Variants in RIDA observed in about 807,000 individuals in gnomAD.
RIDA encodes the protein reactive intermediate imine deaminase A, also known as 2-iminobutanoate/2-iminopropanoate deaminase.
Under a neutral mutation model 17.8 loss-of-function variants are expected in RIDA, and 17 were observed. The observed-to-expected ratio is 0.96, with a 90% CI of 0.65 to 1.43. The LOEUF (loss-of-function observed/expected upper bound fraction) is 1.43. Ranked by LOEUF, RIDA falls within the 40% of genes most tolerant of loss-of-function variation. RIDA has a pLI of 0.00. For synonymous variants in RIDA, 48 were observed against 55.7 expected, an observed-to-expected ratio of 0.86 and a Z score of 0.62; for missense variants, 158 against 161.7, an observed-to-expected ratio of 0.98 and a Z score of 0.12.
intron 1 of RIDA, among the ~76,000 whole-genome samples, chr8:98,109,463 G>C (rs1489835359): frequency 6.6e-6 from 1 of 152,198 alleles, no homozygotes; most frequent in African/African-American, 2.4e-5. Context: ...AGACATCACT[G>C]ATAAAGTAAG....
At chr8:98,112,195 A>ACACACACACAC (rs144555285) in intron 1 of RIDA, among the ~76,000 whole-genome samples, 3 of 148,070 alleles carry the variant, frequency 2.0e-5, no homozygotes, top group Admixed American at 6.7e-5. Context: ...AACTATACTA[A>ACACACACACAC]ACACACACAC....
chr8:98,102,790 A>T lies in RIDA; in HGVS notation c.*52T>A. 1.7e-6 allele frequency: 2 copies of T among 1,202,388 alleles called. No individual in the cohort carries two copies. The highest frequency in any genetic ancestry group is 4.7e-5 in the East Asian group (2 of 42,258). 74.5% of individuals were successfully genotyped at this position (1,202,388 alleles called of 1,614,324 possible). A position where few individuals can be genotyped will look rare whatever the true frequency, so the allele number is the denominator to read the frequency against. On this transcript the variant is annotated 3_prime_UTR_variant, in exon 6 of 6. Coordinates refer to ENST00000254878, the MANE Select transcript of RIDA (RefSeq NM_005836.3). The stretch of plus-strand genomic sequence containing the variant: ...AAAGGTTAATTAAGATGTTACATCA[A>T]TTGTAAAAATTAAAATGTTAACAAT...
chr8:98,112,199 C>CACACACAT (rs1446245348), intron 1 of RIDA, among the ~76,000 whole-genome samples: 1 of 150,520 alleles, frequency 6.6e-6, no homozygotes, highest in Non-Finnish European at 1.5e-5. Context: ...ATACTAAACA[C>CACACACAT]ACACACACAC....
intron 1 of RIDA, among the ~76,000 whole-genome samples, chr8:98,111,605 C>CA (rs374861980): frequency 0.1 from 10,281 of 100,470 alleles, 448 homozygotes; most frequent in Middle Eastern, 0.32. Flanking sequence ...GACTCTGTGT[C>CA]AAAAAAAAAA....
At chr8:98,114,259 A>T (rs1230841826) in intron 1 of RIDA, among the ~76,000 whole-genome samples, 3 of 152,170 alleles carry the variant, frequency 2.0e-5, no homozygotes. Flanking sequence ...TCCTTATTAT[A>T]TACAAAATAA....
At position 98,110,512 on chromosome 8, in the gene RIDA, C is replaced by T. The variant is rs375000235; in HGVS notation, c.66-1761G>A. 1.1e-4 allele frequency among the ~76,000 whole-genome samples: 17 copies of T among 152,066 alleles called. No homozygotes were observed. The South Asian group carries it at 1.5e-3, about 13-fold the overall frequency. On this transcript the variant is annotated intron_variant, in intron 1 of 5. Coordinates refer to ENST00000254878, the MANE Select transcript of RIDA (RefSeq NM_005836.3). ...TGACCTCAGGTGATCCGCCTGCCTC[C>T]GCTTCCCAAAGTGCTGGGATTACAG...
intron 1 of RIDA, among the ~76,000 whole-genome samples, chr8:98,114,136 A>G (rs1815767153): frequency 6.6e-6 from 1 of 151,296 alleles, no homozygotes; most frequent in African/African-American, 2.4e-5. Flanking sequence ...TGAGGCGACA[A>G]TAAGCTGTGA....
At chr8:98,107,542 A>G (rs1815648552) in intron 2 of RIDA, among the ~76,000 whole-genome samples, 3 of 152,094 alleles carry the variant, frequency 2.0e-5, no homozygotes, top group Admixed American at 2.0e-4. Flanking sequence ...ACAAAACAAA[A>G]CAAACTTTCA....
In RIDA at chr8:98,102,429, A is replaced by G. The variant is rs1271941354; in HGVS notation, c.*413T>C. The G allele has an allele frequency of 6.5e-6, 1 of 153,584 alleles. No homozygotes were observed. The highest frequency in any genetic ancestry group is 1.4e-5 in the Non-Finnish European group (1 of 69,020). The allele number at this position is 153,584 out of a possible 1,614,324, so 9.5% of individuals were successfully genotyped here. ...TATCTTCTCCTTGATCTCAAATTTA[A>G]ACACTTTAATTTTACTCAAGTAAAA... On this transcript the variant is annotated 3_prime_UTR_variant, in exon 6 of 6. Transcript: ENST00000254878.
chr8:98,107,355 T>C (rs1815646477), intron 2 of RIDA, among the ~76,000 whole-genome samples: 1 of 152,088 alleles, frequency 6.6e-6, no homozygotes. Flanking sequence ...AAACCCCGTC[T>C]CTACTAAAAA....
intron 1 of RIDA, among the ~76,000 whole-genome samples, chr8:98,115,643 G>A (rs897511950): frequency 2.6e-5 from 4 of 151,142 alleles, no homozygotes; most frequent in Admixed American, 6.6e-5. Flanking sequence ...CTCTTACCTC[G>A]GCCTCCCACA....
chr8:98,117,077 C>T lies in RIDA; in HGVS notation c.20G>A (p.Arg7Lys). 6.2e-7 allele frequency: 1 copy of T among 1,614,190 alleles called. No homozygotes were observed. The highest frequency in any genetic ancestry group is 8.5e-7 in the Non-Finnish European group (1 of 1,180,002). ...TGGGGCTTTCGCGGTGCTGATCACC[C>T]TTCTGATCAAGGACGACATGGCTAA... Reference protein sequence around the residue: MSSLIRRVISTAKAPGA... With the variant: MSSLIRKVISTAKAPGA... Residue 7 changes from arginine to lysine, a missense_variant, in exon 1 of 6, where the codon AGG becomes AAG. Transcript: ENST00000254878.
intron 1 of RIDA, among the ~76,000 whole-genome samples, chr8:98,109,858 C>A (rs755353545): frequency 5.9e-5 from 9 of 152,176 alleles, no homozygotes; most frequent in Non-Finnish European, 1.2e-4. Context: ...CTCAAGTGAT[C>A]CTCCTGCCTT....
In RIDA at chr8:98,102,716, G is replaced by C. The variant is rs1446910248; in HGVS notation, c.*126C>G. 1.5e-6 allele frequency: 1 copy of C among 645,868 alleles called. No homozygotes were observed. The highest frequency in any genetic ancestry group is 1.8e-5 in the African/African-American group (1 of 55,462). The allele number at this position is 645,868 out of a possible 1,614,324, so 40.0% of individuals were successfully genotyped here. A position where few individuals can be genotyped will look rare whatever the true frequency, so the allele number is the denominator to read the frequency against. On this transcript the variant is annotated 3_prime_UTR_variant, in exon 6 of 6. Transcript: ENST00000254878. ...CCTATTACATGGTATTTCCATAATA[G>C]CTTCAGATATTTTCATCAAACTCAC...
At chr8:98,108,868 A>C in intron 1 of RIDA, 117 bp from the exon 2 acceptor site, 1 of 613,198 alleles carries the variant, frequency 1.6e-6, no homozygotes, top group Non-Finnish European at 2.9e-6. Context: ...AAACAGATAC[A>C]TTGGACTTCA....
intron 1 of RIDA, among the ~76,000 whole-genome samples, chr8:98,112,317 T>C (rs879258027): frequency 5.9e-5 from 9 of 152,162 alleles, no homozygotes; most frequent in Admixed American, 5.9e-4. Context: ...TGCCTCGTGT[T>C]GTAACTCATC....
chr8:98,108,895 T>A, intron 1 of RIDA, 144 bp from the exon 2 acceptor site: 2 of 569,682 alleles, frequency 3.5e-6, no homozygotes, highest in Non-Finnish European at 6.2e-6. Flanking sequence ...TTGAAAACTT[T>A]TGTTTATCAA....
intron 4 of RIDA, among the ~76,000 whole-genome samples, chr8:98,104,782 C>T (rs1360963234): frequency 6.6e-6 from 1 of 152,130 alleles, no homozygotes; most frequent in African/African-American, 2.4e-5. Flanking sequence ...GCGATCTCAG[C>T]TTACTGCAAC....
intron 5 of RIDA, among the ~76,000 whole-genome samples, chr8:98,103,154 A>G (rs888487839): frequency 2.0e-5 from 3 of 152,222 alleles, no homozygotes; most frequent in African/African-American, 7.2e-5. Context: ...TTTCCCCTCA[A>G]TTCACAGAAT....
Sources: allele counts gnomAD v4.1 joint callset (sites outside exome capture counted in the v4.1 genomes callset), GRCh38; gene constraint gnomAD v4.1.1; transcripts MANE v1.5; gene names NCBI Gene and HGNC (gene_info 2026-07-23, HGNC 2026-07-21).